The following RBFOX1 variants were observed in gnomAD, a reference collection of about 807,000 sequenced individuals.
RBFOX1 encodes the protein RNA binding protein fox-1 homolog 1.
In RBFOX1, 8 loss-of-function variants were observed where a neutral mutation model predicts 57.7. The ratio of observed to expected loss-of-function variants is 0.14; its 90% CI spans 0.08 to 0.25. The LOEUF is 0.25. Among genes scored for constraint, RBFOX1 ranks in the 10% least tolerant of loss-of-function variants. RBFOX1 has a pLI of 1.00. For synonymous variants in RBFOX1, 326 were observed against 222.4 expected, an observed-to-expected ratio of 1.47 and a Z score of -4.15; for missense variants, 611 against 548.5, an observed-to-expected ratio of 1.11 and a Z score of -1.14.
intron 3 of RBFOX1, among the ~76,000 whole-genome samples, chr16:6,807,373 C>A (rs1046832120): frequency 5.3e-5 from 8 of 151,944 alleles, no homozygotes; most frequent in Non-Finnish European, 1.2e-4. Flanking sequence ...TGAGTGAGTC[C>A]AAGTTGATTT....
intron 2 of RBFOX1, among the ~76,000 whole-genome samples, chr16:5,468,017 G>T (rs1464574674): frequency 6.6e-6 from 1 of 152,132 alleles, no homozygotes; most frequent in Non-Finnish European, 1.5e-5. Flanking sequence ...GGCTTTGTGG[G>T]GAGGCGGAAT....
chr16:6,107,787 G>A (rs2096400217), intron 1 of RBFOX1, among the ~76,000 whole-genome samples: 1 of 151,800 alleles, frequency 6.6e-6, no homozygotes, highest in Non-Finnish European at 1.5e-5. Context: ...ATGGATGGGT[G>A]GATGAATAGC....
At chr16:6,342,269 T>C (rs1364215332) in intron 2 of RBFOX1, among the ~76,000 whole-genome samples, 2 of 152,124 alleles carry the variant, frequency 1.3e-5, no homozygotes, top group Non-Finnish European at 2.9e-5. Flanking sequence ...GGCGGTGGTC[T>C]GGACTAGGAT....
chr16:6,437,754 G>C (rs2094276960), intron 2 of RBFOX1, among the ~76,000 whole-genome samples: 1 of 152,200 alleles, frequency 6.6e-6, no homozygotes, highest in African/African-American at 2.4e-5. Context: ...TGGCAGGAGA[G>C]AGAGTGAAGA....
intron 1 of RBFOX1, among the ~76,000 whole-genome samples, chr16:6,255,658 C>T (rs374236503): frequency 1.1e-4 from 16 of 151,812 alleles, no homozygotes; most frequent in East Asian, 9.7e-4. Context: ...GGAAGTATGA[C>T]GGATTGGATA....
chr16:6,072,387 T>C (rs1011408237), intron 1 of RBFOX1, among the ~76,000 whole-genome samples: 1 of 152,208 alleles, frequency 6.6e-6, no homozygotes, highest in Non-Finnish European at 1.5e-5. Context: ...ATTTTGGCTA[T>C]TGTGCTTAAT....
chr16:7,417,109 C>T (rs746966350), intron 4 of RBFOX1, among the ~76,000 whole-genome samples: 1 of 152,036 alleles, frequency 6.6e-6, no homozygotes, highest in African/African-American at 2.4e-5. Context: ...GTGGCTCACA[C>T]CTGTAATCCC....
intron 3 of RBFOX1, among the ~76,000 whole-genome samples, chr16:5,731,055 G>C (rs1270645208): frequency 6.7e-6 from 1 of 148,172 alleles, no homozygotes; most frequent in Admixed American, 6.7e-5. Context: ...CACTGCCATT[G>C]TCACCAATGT....
chr16:7,013,237 A>G (rs753302192), intron 3 of RBFOX1, among the ~76,000 whole-genome samples: 2 of 152,170 alleles, frequency 1.3e-5, no homozygotes, highest in Non-Finnish European at 2.9e-5. Context: ...CTTTGGTGAA[A>G]AAATGCTTGT....
intron 3 of RBFOX1, among the ~76,000 whole-genome samples, chr16:5,672,597 A>G (rs2050044589): frequency 7.3e-6 from 1 of 136,658 alleles, no homozygotes; most frequent in Admixed American, 7.5e-5. Flanking sequence ...ACAACCCACA[A>G]AGAGTTAAGT....
At chr16:7,422,728 C>T (rs1400844855) in intron 4 of RBFOX1, 1 of 150,666 alleles carries the variant, frequency 6.6e-6, no homozygotes, top group African/African-American at 2.4e-5. Context: ...GTGTGCAAAC[C>T]CCTCCCCTCC....
At chr16:6,819,355 T>A (rs917977710) in intron 3 of RBFOX1, among the ~76,000 whole-genome samples, 4 of 152,116 alleles carry the variant, frequency 2.6e-5, no homozygotes, top group Non-Finnish European at 4.4e-5. Context: ...TGGTCTACAG[T>A]GAACACACAC....
chr16:5,460,722 A>T (rs552621062), intron 1 of RBFOX1, among the ~76,000 whole-genome samples: 15 of 152,308 alleles, frequency 9.8e-5, no homozygotes, highest in South Asian at 4.1e-4. Flanking sequence ...TCCTCTTTTC[A>T]TGCCTGCTAA....
intron 3 of RBFOX1, among the ~76,000 whole-genome samples, chr16:6,663,602 G>C (rs1178136467): frequency 6.6e-6 from 1 of 152,172 alleles, no homozygotes; most frequent in African/African-American, 2.4e-5. Flanking sequence ...GGCACATAAG[G>C]GCAGAGGCTG....
At chr16:5,674,914 A>C (rs930945181) in intron 3 of RBFOX1, among the ~76,000 whole-genome samples, 1 of 152,158 alleles carries the variant, frequency 6.6e-6, no homozygotes, top group African/African-American at 2.4e-5. Context: ...TGGAAGGCTG[A>C]GGCAGGAGGA....
At chr16:5,335,006 G>A (rs149736630) in intron 1 of RBFOX1, among the ~76,000 whole-genome samples, 4 of 152,200 alleles carry the variant, frequency 2.6e-5, no homozygotes, top group Admixed American at 2.6e-4. Flanking sequence ...CAAAGAGTAT[G>A]CCCAATTTCA....
chr16:5,661,639 A>C (rs764481149), intron 3 of RBFOX1, among the ~76,000 whole-genome samples: 37 of 152,248 alleles, frequency 2.4e-4, no homozygotes, highest in Admixed American at 5.9e-4. Flanking sequence ...ATGACAATCA[A>C]ATTAACACGT....
At chr16:7,504,116 G>C (rs1284754596) in intron 4 of RBFOX1, among the ~76,000 whole-genome samples, 6 of 152,096 alleles carry the variant, frequency 3.9e-5, no homozygotes. Context: ...TCTGGGTTCA[G>C]AATTGGGTTG....
chr16:7,378,712 G>A (rs371503387), intron 4 of RBFOX1, among the ~76,000 whole-genome samples: 75 of 152,124 alleles, frequency 4.9e-4, no homozygotes, highest in Non-Finnish European at 8.7e-4. Flanking sequence ...CCCTGCATCC[G>A]CCAAACCCTG....
Sources: gnomAD v4.1 joint callset for allele counts (sites outside exome capture counted in the v4.1 genomes callset) on GRCh38, gnomAD v4.1.1 for gene constraint, MANE v1.5 for transcripts, NCBI Gene and HGNC (gene_info 2026-07-23, HGNC 2026-07-21) for gene names.